The following BMAL2 variants were observed in gnomAD, a reference collection of about 807,000 sequenced individuals.
The protein encoded by BMAL2 is basic helix-loop-helix ARNT-like protein 2.
chr12:27,393,046 C>G, the BMAL2 span, among the ~76,000 whole-genome samples: 1 of 152,192 alleles, frequency 6.6e-6, no homozygotes, highest in African/African-American at 2.4e-5. Context: ...TGCCACTTCT[C>G]CCAGTTTCAT....
chr12:27,419,532 G>A, the BMAL2 span, among the ~76,000 whole-genome samples: 3 of 152,164 alleles, frequency 2.0e-5, no homozygotes, highest in Admixed American at 6.5e-5. Context: ...TAATTACCTT[G>A]TATCAGGCCT....
chr12:27,396,112 C>A, the BMAL2 span, among the ~76,000 whole-genome samples: 1 of 152,138 alleles, frequency 6.6e-6, no homozygotes, highest in African/African-American at 2.4e-5. Flanking sequence ...AGGTAGACCC[C>A]TATACAACAT....
At chr12:27,363,793 A>G in the BMAL2 span, among the ~76,000 whole-genome samples, 3 of 152,282 alleles carry the variant, frequency 2.0e-5, no homozygotes, top group South Asian at 4.1e-4. Flanking sequence ...GTGTCTTTCA[A>G]TCAACATTAA....
At chr12:27,388,779 T>C in the BMAL2 span, among the ~76,000 whole-genome samples, 1 of 152,196 alleles carries the variant, frequency 6.6e-6, no homozygotes, top group Non-Finnish European at 1.5e-5. Flanking sequence ...TTTTAAACTG[T>C]ATGGTAAATA....
chr12:27,389,323 T>C, the BMAL2 span: 1 of 1,435,470 alleles, frequency 7.0e-7, no homozygotes, highest in Non-Finnish European at 9.8e-7. Flanking sequence ...GCATGCTTAT[T>C]ATTTTATGTA....
the BMAL2 span, among the ~76,000 whole-genome samples, chr12:27,392,981 AG>A: frequency 6.6e-6 from 1 of 152,002 alleles, no homozygotes; most frequent in East Asian, 1.9e-4. Flanking sequence ...GCAACTCTAC[AG>A]GCTTCATTTT....
At chr12:27,395,456 G>A in the BMAL2 span, among the ~76,000 whole-genome samples, 1 of 152,108 alleles carries the variant, frequency 6.6e-6, no homozygotes, top group African/African-American at 2.4e-5. Context: ...GAAGGAAAGT[G>A]GGATGTCCTC....
At chr12:27,333,162 G>T in the BMAL2 span, 43,403 of 1,198,180 alleles carry the variant, frequency 0.036, 2,367 homozygotes, top group East Asian at 0.34. Context: ...CTGACGCGCT[G>T]GGGGCGTCCC....
At chr12:27,390,285 T>G in the BMAL2 span, 21 of 1,568,952 alleles carry the variant, frequency 1.3e-5, no homozygotes, top group Non-Finnish European at 1.8e-5. Context: ...GCTATAAAAT[T>G]AATGTCCTAA....
chr12:27,392,924 G>T, the BMAL2 span, among the ~76,000 whole-genome samples: 1 of 151,836 alleles, frequency 6.6e-6, no homozygotes. Flanking sequence ...ACCTGATTTC[G>T]CCCTCTGCCC....
chr12:27,400,594 T>C, the BMAL2 span: 6 of 1,613,786 alleles, frequency 3.7e-6, no homozygotes, highest in South Asian at 3.3e-5. Context: ...CCTCCAAATA[T>C]TGTTGGAATG....
the BMAL2 span, among the ~76,000 whole-genome samples, chr12:27,342,624 C>G: frequency 6.6e-6 from 1 of 152,240 alleles, no homozygotes. Flanking sequence ...GTTTCCAGCT[C>G]TATCTTCTTT....
the BMAL2 span, among the ~76,000 whole-genome samples, chr12:27,354,426 G>A: frequency 1.3e-5 from 2 of 152,154 alleles, no homozygotes; most frequent in African/African-American, 4.8e-5. Context: ...TGAAGGCAGA[G>A]GGTGGGAAGA....
chr12:27,346,131 C>G, the BMAL2 span, among the ~76,000 whole-genome samples: 1 of 152,182 alleles, frequency 6.6e-6, no homozygotes, highest in African/African-American at 2.4e-5. Flanking sequence ...AACTGCTTGT[C>G]CGAATCCAAC....
At chr12:27,400,735 G>A in the BMAL2 span, 15 of 1,611,678 alleles carry the variant, frequency 9.3e-6, 1 homozygote, top group African/African-American at 2.7e-5. Context: ...TTTATAACCC[G>A]GTTTGCAGTG....
At chr12:27,416,887 C>T in the BMAL2 span, among the ~76,000 whole-genome samples, 3 of 152,124 alleles carry the variant, frequency 2.0e-5, no homozygotes, top group East Asian at 5.8e-4. Flanking sequence ...CACTTGAGCC[C>T]AGAAGTTTCA....
At chr12:27,370,054 C>G in the BMAL2 span, 121 of 1,079,462 alleles carry the variant, frequency 1.1e-4, no homozygotes, top group Non-Finnish European at 1.7e-4. Flanking sequence ...GCTACTTTCT[C>G]CACTTGAGGA....
At chr12:27,333,696 C>G in the BMAL2 span, among the ~76,000 whole-genome samples, 6,513 of 152,328 alleles carry the variant, frequency 0.043, 409 homozygotes, top group East Asian at 0.34. Flanking sequence ...TCGCAGCCCG[C>G]TCCGCGACAG....
chr12:27,367,845 T>G, the BMAL2 span, among the ~76,000 whole-genome samples: 1 of 151,294 alleles, frequency 6.6e-6, no homozygotes, highest in Non-Finnish European at 1.5e-5. Context: ...TATATATATA[T>G]GTATACACAT....
Sources: allele counts gnomAD v4.1 joint callset (sites outside exome capture counted in the v4.1 genomes callset), GRCh38; gene constraint gnomAD v4.1.1; transcripts MANE v1.5; gene names NCBI Gene and HGNC (gene_info 2026-07-23, HGNC 2026-07-21).